The following GABRG1 variants were observed in gnomAD, a reference collection of about 807,000 sequenced individuals.
The protein encoded by GABRG1 is gamma-aminobutyric acid receptor subunit gamma-1.
GABRG1 carries 49 observed loss-of-function variants against 49.8 expected under a neutral mutation model. The ratio of observed to expected loss-of-function variants is 0.98; its 90% CI spans 0.78 to 1.25. The LOEUF (loss-of-function observed/expected upper bound fraction) is 1.25, where lower values mean the gene tolerates loss of function less well. GABRG1 is among the 50% of genes most tolerant of loss of function. The pLI, the probability that GABRG1 is intolerant of heterozygous loss-of-function variation, is 0.00. For synonymous variants in GABRG1, 232 were observed against 185.1 expected, an observed-to-expected ratio of 1.25 and a Z score of -2.06; for missense variants, 552 against 552.3, an observed-to-expected ratio of 1.00 and a Z score of 0.01.
rs146488842 is a variant in GABRG1 at position 46,104,701 on chromosome 4, T to C, written c.105-7352A>G. Among the ~76,000 whole-genome samples the C allele has an allele frequency of 1.3e-4, 19 of 151,598 alleles. No homozygotes were observed. In the East Asian group the frequency reaches 2.7e-3, roughly 22 times the overall value. On this transcript the variant is annotated intron_variant, in intron 1 of 8. Coordinates refer to ENST00000295452, the MANE Select transcript of GABRG1 (RefSeq NM_173536.4). ...TGGGATTTTAACACTCTTTAAACAATTATAACAATTATTTTATTAAACTTC... is the reference window on the plus strand; with the variant it reads ...TGGGATTTTAACACTCTTTAAACAACTATAACAATTATTTTATTAAACTTC...
rs566313353 is a variant in GABRG1 at position 46,056,800 on chromosome 4, A to C, written c.916+1417T>G. On this transcript the variant is annotated intron_variant, in intron 7 of 8. Transcript: ENST00000295452. ...GTGCATGTATATTTAAAGCAATTGT[A>C]ATTCTCTATCTTAGGGTCCACAATT... Among the ~76,000 whole-genome samples the C allele has an allele frequency of 2.0e-5, 3 of 152,220 alleles. No individual in the cohort carries two copies. The South Asian group carries it at 6.2e-4, about 32-fold the overall frequency.
At chr4:46,121,859 G>A (rs1721097449) in intron 1 of GABRG1, among the ~76,000 whole-genome samples, 1 of 152,020 alleles carries the variant, frequency 6.6e-6, no homozygotes, top group Admixed American at 6.6e-5. Flanking sequence ...AAAATTATGT[G>A]TTAACTGTAC....
At chr4:46,105,230 G>A (rs913918072) in intron 1 of GABRG1, among the ~76,000 whole-genome samples, 53 of 151,388 alleles carry the variant, frequency 3.5e-4, no homozygotes, top group African/African-American at 1.2e-3. Context: ...ACAAACAGAT[G>A]CACCATTGGC....
At chr4:46,053,443 A>ATGTG (rs1553879282) in intron 7 of GABRG1, among the ~76,000 whole-genome samples, 2 of 151,518 alleles carry the variant, frequency 1.3e-5, no homozygotes, top group African/African-American at 4.8e-5. Context: ...ATGGTTGCAG[A>ATGTG]TTTATTTCTC....
intron 7 of GABRG1, among the ~76,000 whole-genome samples, chr4:46,051,917 C>G (rs1577632849): frequency 6.6e-6 from 1 of 151,860 alleles, no homozygotes; most frequent in Non-Finnish European, 1.5e-5. Flanking sequence ...AAATATTTAG[C>G]TGGCATATGA....
Position 46,036,002 on chromosome 4 carries a change from C to T in GABRG1, c.*4986G>A, listed in dbSNP as rs897493188. ...TAATAGATGCAAATAATTGTTATTACAGTGAAGGATTGAAAACCAAACTAT... is the reference window on the plus strand; with the variant it reads ...TAATAGATGCAAATAATTGTTATTATAGTGAAGGATTGAAAACCAAACTAT... On this transcript the variant is annotated 3_prime_UTR_variant, in exon 9 of 9. Transcript: ENST00000295452. 3.3e-5 allele frequency: 5 copies of T among 151,880 alleles called. No homozygotes were observed. Among genetic ancestry groups the T allele is most frequent in the African/African-American group, 1.2e-4 (5 of 41,424 alleles). The allele number at this position is 151,880 out of a possible 1,614,324, so 9.4% of individuals were successfully genotyped here. A position where few individuals can be genotyped will look rare whatever the true frequency, so the allele number is the denominator to read the frequency against.
intron 8 of GABRG1, among the ~76,000 whole-genome samples, chr4:46,046,379 T>C (rs1195254550): frequency 6.6e-6 from 1 of 152,112 alleles, no homozygotes; most frequent in Non-Finnish European, 1.5e-5. Context: ...CAACTGGTAC[T>C]AACTGGTTAC....
chr4:46,122,613 C>G (rs777513946), intron 1 of GABRG1, among the ~76,000 whole-genome samples: 2 of 151,950 alleles, frequency 1.3e-5, no homozygotes, highest in African/African-American at 4.8e-5. Context: ...TATTACTTAG[C>G]CTACTTTAAT....
intron 1 of GABRG1, among the ~76,000 whole-genome samples, 181 bp from the exon 2 acceptor site, chr4:46,097,530 T>C (rs1316584068): frequency 6.6e-6 from 1 of 151,518 alleles, no homozygotes; most frequent in Non-Finnish European, 1.5e-5. Context: ...GATATAATAC[T>C]CAAAAAATGA....
At position 46,065,423 on chromosome 4, in the gene GABRG1, T is replaced by A; in HGVS notation, c.483A>T (p.Ile161=). ...TTCGAAGCAGACGATTAGGAGTTGT[T>A]ATCCAGTGAGCATCAGATTTTCTTG... ...RNSRKSDAHW[I]TTPNRLLRIW... The change falls in exon 4 of 9, where the codon ATA becomes ATT. Residue 161 remains isoleucine (I), a synonymous_variant. Coordinates refer to ENST00000295452, the MANE Select transcript of GABRG1 (RefSeq NM_173536.4). The A allele has an allele frequency of 6.2e-7, 1 of 1,613,784 alleles. No homozygotes were observed. The highest frequency in any genetic ancestry group is 1.7e-4 in the Middle Eastern group (1 of 6,056).
rs564894450 is a variant in GABRG1 at position 46,123,822 on chromosome 4, T to C, written c.92A>G (p.His31Arg). 16 of 1,613,104 alleles carry C rather than the reference T, an allele frequency of 9.9e-6. No homozygotes were observed. In the Admixed American group the frequency reaches 2.0e-4, roughly 20 times the overall value. ...VRLVFLLLTL[H>R]LGNCVDKADD... is the part of the protein sequence containing the mutation. ...TGAATTTACTCACCAGTTTCCCAAA[T>C]GCAGGGTCAGTAACAAGAAGACCAA... The change falls in exon 1 of 9, where the codon CAT becomes CGT. Residue 31 changes from histidine to arginine, a missense_variant. Coordinates refer to ENST00000295452, the MANE Select transcript of GABRG1 (RefSeq NM_173536.4).
At chr4:46,041,593 C>T (rs1202910207) in intron 8 of GABRG1, among the ~76,000 whole-genome samples, 1 of 151,706 alleles carries the variant, frequency 6.6e-6, no homozygotes, top group Non-Finnish European at 1.5e-5. Flanking sequence ...ATTAACAGTG[C>T]TATACACATC....
chr4:46,052,007 T>C (rs1312076260), intron 7 of GABRG1, among the ~76,000 whole-genome samples: 3 of 151,740 alleles, frequency 2.0e-5, no homozygotes, highest in Non-Finnish European at 4.4e-5. Flanking sequence ...GGGAACCAAG[T>C]CAAGAATGTA....
chr4:46,119,790 C>T (rs548277222), intron 1 of GABRG1, among the ~76,000 whole-genome samples: 17 of 151,350 alleles, frequency 1.1e-4, no homozygotes, highest in Non-Finnish European at 2.1e-4. Context: ...TGTCATAAAT[C>T]TAGGTCTTAG....
intron 3 of GABRG1, among the ~76,000 whole-genome samples, chr4:46,083,282 A>G (rs1047421314): frequency 6.6e-5 from 10 of 151,708 alleles, no homozygotes; most frequent in African/African-American, 1.2e-4. Context: ...TATTGTCCAG[A>G]CTAACACAAT....
At chr4:46,074,296 G>T (rs945232823) in intron 3 of GABRG1, among the ~76,000 whole-genome samples, 2 of 152,084 alleles carry the variant, frequency 1.3e-5, no homozygotes, top group African/African-American at 4.8e-5. Flanking sequence ...ATTTGGAAAT[G>T]ATATATTTAG....
At chr4:46,096,850 T>A (rs1720181089) in intron 2 of GABRG1, among the ~76,000 whole-genome samples, 3 of 151,720 alleles carry the variant, frequency 2.0e-5, no homozygotes, top group African/African-American at 7.2e-5. Context: ...ATTTTGGAAA[T>A]GAGAATGTAA....
Position 46,117,576 on chromosome 4 carries a change from C to CTG in GABRG1, c.104+6233_104+6234insCA, listed in dbSNP as rs1236747243. Among the ~76,000 whole-genome samples the CTG allele has an allele frequency of 2.3e-3, 321 of 141,512 alleles. 1 individual carries two copies. Among genetic ancestry groups the CTG allele is most frequent in the African/African-American group, 8.5e-3 (304 of 35,972 alleles). 92.8% of individuals were successfully genotyped at this position (141,512 alleles called of 152,430 possible). A position where few individuals can be genotyped will look rare whatever the true frequency, so the allele number is the denominator to read the frequency against. On this transcript the variant is annotated intron_variant, in intron 1 of 8. Coordinates refer to ENST00000295452, the MANE Select transcript of GABRG1 (RefSeq NM_173536.4). ...TCTCTCTCTCTCTCTCTCTCTCTCT[C>CTG]TCTCTGTCTCTCTTTGTCTCTCTCT...
At chr4:46,060,421 T>C (rs1001706260) in intron 5 of GABRG1, among the ~76,000 whole-genome samples, 10 of 152,178 alleles carry the variant, frequency 6.6e-5, no homozygotes, top group African/African-American at 2.2e-4. Flanking sequence ...GTTTTGTCAA[T>C]GTCCTCAGGT....
Sources: allele counts gnomAD v4.1 joint callset (sites outside exome capture counted in the v4.1 genomes callset), GRCh38; gene constraint gnomAD v4.1.1; transcripts MANE v1.5; gene names NCBI Gene and HGNC (gene_info 2026-07-23, HGNC 2026-07-21).